The following KAT6B variants were observed in gnomAD, a reference collection of about 807,000 sequenced individuals.
KAT6B encodes lysine acetyltransferase 6B, also known as histone acetyltransferase KAT6B.
Under a neutral mutation model 187.5 loss-of-function variants are expected in KAT6B, and 10 were observed. The observed-to-expected ratio is 0.05, with a 90% CI of 0.03 to 0.09. KAT6B has a LOEUF of 0.09. Among genes scored for constraint, KAT6B ranks in the 10% least tolerant of loss-of-function variants. KAT6B has a pLI of 1.00. For synonymous variants in KAT6B, 861 were observed against 926.8 expected, an observed-to-expected ratio of 0.93 and a Z score of 1.29; for missense variants, 1,952 against 2,558.9, an observed-to-expected ratio of 0.76 and a Z score of 5.12.
At chr10:75,019,722 G>A (rs1208260181) in intron 13 of KAT6B, among the ~76,000 whole-genome samples, 1 of 150,528 alleles carries the variant, frequency 6.6e-6, no homozygotes, top group African/African-American at 2.4e-5. Flanking sequence ...ACAGCCGCCA[G>A]CTTTCATTCA....
intron 13 of KAT6B, among the ~76,000 whole-genome samples, chr10:74,990,110 A>T (rs1843034243): frequency 6.9e-6 from 1 of 145,654 alleles, no homozygotes; most frequent in Non-Finnish European, 1.5e-5. Flanking sequence ...CAGGAGAATC[A>T]CTTGAACCCG....
intron 3 of KAT6B, among the ~76,000 whole-genome samples, chr10:74,888,853 T>C (rs1201396611): frequency 6.6e-6 from 1 of 152,218 alleles, no homozygotes; most frequent in Non-Finnish European, 1.5e-5. Context: ...TAGATCTTTA[T>C]GCAGCTGATG....
chr10:74,871,884 ACT>A (rs983045755), intron 3 of KAT6B, among the ~76,000 whole-genome samples: 11 of 152,194 alleles, frequency 7.2e-5, no homozygotes, highest in African/African-American at 2.6e-4. Flanking sequence ...TGGTGTCCTA[ACT>A]CTCTCTAGAC....
chr10:74,975,703 A>G lies in KAT6B; in HGVS notation c.1366A>G (p.Ile456Val), dbSNP rs763282624. The change falls in exon 8 of 18, where the codon ATA (isoleucine) becomes GTA (valine). Residue 456 changes from isoleucine to valine, a missense_variant. Ile to Val is a conservative substitution (Grantham distance 29, BLOSUM62 3). This residue lies in a region of KAT6B where 417 missense variants were observed against 508.9 expected (regional missense o/e 0.82). Transcript: ENST00000287239. ...PDGRRSRGEI[I>V]DFSKHYRPRK... ...TGGTCGCAGATCACGAGGTGAAATTATAGACTTTTCAAAGCACTATCGTCC... is the reference window on the plus strand; with the variant it reads ...TGGTCGCAGATCACGAGGTGAAATTGTAGACTTTTCAAAGCACTATCGTCC... 1.2e-6 allele frequency: 2 copies of G among 1,614,126 alleles called. No individual in the cohort carries two copies. Among genetic ancestry groups the G allele is most frequent in the Non-Finnish European group, 1.7e-6 (2 of 1,180,058 alleles).
intron 3 of KAT6B, among the ~76,000 whole-genome samples, chr10:74,941,081 T>C (rs1849638228): frequency 6.6e-6 from 1 of 152,216 alleles, no homozygotes; most frequent in Non-Finnish European, 1.5e-5. Flanking sequence ...AGGTTAAGAT[T>C]CTTCGCACCT....
chr10:74,929,832 A>G (rs1372326981), intron 3 of KAT6B, among the ~76,000 whole-genome samples: 3 of 152,186 alleles, frequency 2.0e-5, no homozygotes, highest in Non-Finnish European at 2.9e-5. Flanking sequence ...TGGTAATATT[A>G]TTTAGGTCTT....
At position 74,902,726 on chromosome 10, in the gene KAT6B, G is replaced by A. The variant is rs370742598; in HGVS notation, c.622-57244G>A. Among the ~76,000 whole-genome samples, 103 of 152,276 alleles carry A rather than the reference G, an allele frequency of 6.8e-4. No individual in the cohort carries two copies. In the South Asian group the frequency reaches 0.019, roughly 28 times the overall value. ...GGAATACTCTGGCTGTCAGGCCTAC[G>A]TTAAAAACTGTGGTAATTTGGTGTG... On this transcript the variant is annotated intron_variant, in intron 3 of 17. Coordinates refer to ENST00000287239, the MANE Select transcript of KAT6B (RefSeq NM_012330.4).
rs1842079751 is a variant in KAT6B at position 74,975,288 on chromosome 10, G to A, written c.1062-111G>A. On this transcript the variant is annotated intron_variant, in intron 7 of 17. Transcript: ENST00000287239. ...GGTGGTGGCACACACAAAAAATACA[G>A]TTCTTAAGTTTAAGCCCATTGAATG... 3.4e-6 allele frequency: 3 copies of A among 870,968 alleles called. No homozygotes were observed. In the South Asian group the frequency reaches 4.4e-5, roughly 13 times the overall value. 54.0% of individuals were successfully genotyped at this position (870,968 alleles called of 1,614,324 possible).
At chr10:74,963,393 A>T (rs539284623) in intron 4 of KAT6B, among the ~76,000 whole-genome samples, 1 of 152,370 alleles carries the variant, frequency 6.6e-6, no homozygotes, top group Admixed American at 6.5e-5. Context: ...TGTGTTTTCA[A>T]ATTAGCAAAT....
At chr10:74,911,165 C>A (rs947929158) in intron 3 of KAT6B, among the ~76,000 whole-genome samples, 5 of 151,998 alleles carry the variant, frequency 3.3e-5, no homozygotes, top group African/African-American at 1.2e-4. Flanking sequence ...TAGATGACAG[C>A]ATATATATGC....
Position 74,842,669 on chromosome 10 carries a change from C to T in KAT6B, c.-189C>T. On this transcript the variant is annotated 5_prime_UTR_variant, in exon 3 of 18. Coordinates refer to ENST00000287239, the MANE Select transcript of KAT6B (RefSeq NM_012330.4). Reference sequence around the variant, plus strand: ...TTTCCTGTTGGTAAAATAAGACAACCATCAACATTGCCTGTTTGTCTGCTT... The same window carrying T: ...TTTCCTGTTGGTAAAATAAGACAACTATCAACATTGCCTGTTTGTCTGCTT... 1 of 654,564 alleles carries T rather than the reference C, an allele frequency of 1.5e-6. No individual in the cohort carries two copies. Among genetic ancestry groups the T allele is most frequent in the South Asian group, 1.8e-5 (1 of 54,594 alleles). The allele number at this position is 654,564 out of a possible 1,614,324, so 40.5% of individuals were successfully genotyped here. A position where few individuals can be genotyped will look rare whatever the true frequency, so the allele number is the denominator to read the frequency against.
At chr10:74,969,628 C>T (rs1484200034) in intron 4 of KAT6B, 32 bp from the exon 5 acceptor site, 3 of 1,294,298 alleles carry the variant, frequency 2.3e-6, no homozygotes, top group African/African-American at 2.9e-5. Context: ...AGGCACCATT[C>T]CCATCAAGCA....
intron 3 of KAT6B, among the ~76,000 whole-genome samples, chr10:74,949,419 G>GAAAAC (rs987389951): frequency 4.0e-5 from 6 of 151,824 alleles, no homozygotes; most frequent in Non-Finnish European, 7.4e-5. Context: ...CATCTACCAG[G>GAAAAC]AAAACAAAAC....
At chr10:74,857,761 T>C (rs750373132) in intron 3 of KAT6B, among the ~76,000 whole-genome samples, 6 of 152,186 alleles carry the variant, frequency 3.9e-5, no homozygotes, top group Non-Finnish European at 7.3e-5. Flanking sequence ...AGCTCACATC[T>C]ATAATCCCAA....
chr10:74,898,548 A>G (rs1026522871), intron 3 of KAT6B, among the ~76,000 whole-genome samples: 2 of 151,944 alleles, frequency 1.3e-5, no homozygotes, highest in East Asian at 3.9e-4. Context: ...ATTCCTATTC[A>G]CTGCCCTCTT....
chr10:74,981,959 T>C, intron 11 of KAT6B, 31 bp downstream of exon 11: 3 of 1,599,664 alleles, frequency 1.9e-6, no homozygotes, highest in Non-Finnish European at 2.6e-6. Flanking sequence ...AAATTCAGCT[T>C]TTTGAAATCT....
At chr10:74,846,627 C>T (rs575786388) in intron 3 of KAT6B, among the ~76,000 whole-genome samples, 20 of 152,144 alleles carry the variant, frequency 1.3e-4, no homozygotes, top group Non-Finnish European at 1.6e-4. Flanking sequence ...TTAGTAGAGA[C>T]GGGGTTTCAC....
rs190763671 is a variant in KAT6B at position 74,916,087 on chromosome 10, C to T, written c.622-43883C>T. ...CTGAGGCAGGAGAATTGCTTGAACC[C>T]GGAGGCGGAGGTTGCAGTGAGCTGA... On this transcript the variant is annotated intron_variant, in intron 3 of 17. Transcript: ENST00000287239. 5.3e-3 allele frequency among the ~76,000 whole-genome samples: 805 copies of T among 152,180 alleles called. 10 individuals carry two copies. The highest frequency in any genetic ancestry group is 0.018 in the African/African-American group (747 of 41,490).
intron 3 of KAT6B, among the ~76,000 whole-genome samples, chr10:74,884,816 TC>T (rs1194265775): frequency 6.6e-6 from 1 of 152,112 alleles, no homozygotes; most frequent in East Asian, 1.9e-4. Flanking sequence ...TGATCTGCCA[TC>T]TTCAGCCTCC....
Sources: gnomAD v4.1 joint callset for allele counts (sites outside exome capture counted in the v4.1 genomes callset) on GRCh38, gnomAD v4.1.1 for gene constraint, gnomAD v4.1.1 regional missense constraint, MANE v1.5 for transcripts, NCBI Gene and HGNC (gene_info 2026-07-23, HGNC 2026-07-21) for gene names.